Variants in AURKA observed in about 807,000 individuals in gnomAD.
AURKA encodes aurora 2.
Under a neutral mutation model 40.9 loss-of-function variants are expected in AURKA, and 12 were observed. The ratio of observed to expected loss-of-function variants is 0.29; its 90% CI spans 0.19 to 0.48. The LOEUF (loss-of-function observed/expected upper bound fraction) is 0.48. Ranked by LOEUF, AURKA falls within the 20% of genes least tolerant of loss-of-function variation. The pLI is 0.99. For missense variants in AURKA, 322 were observed against 462.1 expected (o/e 0.70, Z 2.78); for synonymous variants, 170 against 164.3 (o/e 1.03, Z -0.26).
In AURKA at chr20:56,373,089, C is replaced by G. The variant is rs1196813644; in HGVS notation, c.854+319G>C. On this transcript the variant is annotated intron_variant, in intron 7 of 8. Transcript: ENST00000395915. The surrounding 1 kb of genome is among the most constrained non-coding windows in gnomAD (Gnocchi z 5.0). ...CAGCAGAGGTGAAGAGTTCCTCCCA[C>G]TCAACATGTGGGCACTTCACCTCTG... Among the ~76,000 whole-genome samples, 3 of 152,224 alleles carry G rather than the reference C, an allele frequency of 2.0e-5. No individual in the cohort carries two copies. The highest frequency in any genetic ancestry group is 4.4e-5 in the Non-Finnish European group (3 of 68,044).
rs1326512360 is a variant in AURKA at position 56,373,219 on chromosome 20, C to T, written c.854+189G>A. On this transcript the variant is annotated intron_variant, in intron 7 of 8. Transcript: ENST00000395915. The surrounding 1 kb of genome is among the most constrained non-coding windows in gnomAD (Gnocchi z 5.0). The stretch of plus-strand genomic sequence containing the variant: ...TAGAACACTGCTAATAGCCCCAAAT[C>T]TCCACAGAATAACACTTTCTTGCAA... 6.6e-6 allele frequency among the ~76,000 whole-genome samples: 1 copy of T among 152,218 alleles called. No homozygotes were observed. Among genetic ancestry groups the T allele is most frequent in the Non-Finnish European group, 1.5e-5 (1 of 68,036 alleles).
Position 56,383,004 on chromosome 20 carries a change from C to A in AURKA, c.547G>T (p.Glu183Ter). 1.9e-6 allele frequency: 3 copies of A among 1,614,092 alleles called. No individual in the cohort carries two copies. Among genetic ancestry groups the A allele is most frequent in the Non-Finnish European group, 2.5e-6 (3 of 1,180,030 alleles). Residue 183 changes from glutamate to a stop codon, truncating the protein, a stop_gained, in exon 5 of 9, where the codon GAA becomes TAA. Transcript: ENST00000395915. LOFTEE classifies it high-confidence loss of function. Reference sequence around the variant, plus strand: ...ACTCACCGAAGGTGGGACTGTATTTCTACTTCTCTTCTGAGCTGATGCTCC... The same window carrying A: ...ACTCACCGAAGGTGGGACTGTATTTATACTTCTCTTCTGAGCTGATGCTCC... ...GVEHQLRREVEIQSHLRHPNI... is the reference protein window; with the variant it reads ...GVEHQLRREV
intron 6 of AURKA, among the ~76,000 whole-genome samples, chr20:56,376,546 C>T (rs1984947105): frequency 6.6e-6 from 1 of 151,994 alleles, no homozygotes; most frequent in Non-Finnish European, 1.5e-5. Flanking sequence ...ATGCCATTTA[C>T]ATCAATGCCA....
chr20:56,384,658 T>G (rs1309176409), intron 3 of AURKA, among the ~76,000 whole-genome samples: 3 of 152,172 alleles, frequency 2.0e-5, no homozygotes, highest in Admixed American at 6.5e-5. Context: ...AATCTTCCCA[T>G]GCATGACGAG....
intron 6 of AURKA, among the ~76,000 whole-genome samples, chr20:56,374,190 T>G (rs527787725): frequency 1.3e-5 from 2 of 152,168 alleles, no homozygotes; most frequent in African/African-American, 4.8e-5. Context: ...GCTGGTGCCA[T>G]GTCAATGCAA....
intron 1 of AURKA, chr20:56,390,532 C>T (rs969243327): frequency 6.6e-6 from 1 of 152,060 alleles, no homozygotes. Context: ...GTCTGGAACT[C>T]CCGACCTCAG....
At chr20:56,382,174 A>AG (rs1201805117) in intron 5 of AURKA, among the ~76,000 whole-genome samples, 8 of 151,658 alleles carry the variant, frequency 5.3e-5, no homozygotes, top group Non-Finnish European at 8.8e-5. Context: ...AAAAAAAAAA[A>AG]GGAAAAAAAA....
At position 56,382,967 on chromosome 20, in the gene AURKA, A is replaced by G. The variant is rs200449915; in HGVS notation, c.566+18T>C. Reference sequence around the variant, plus strand: ...AGCATTGGTGAACATTCTTTTGAACATGAACCTGAAAACTCACCGAAGGTG... The same window carrying G: ...AGCATTGGTGAACATTCTTTTGAACGTGAACCTGAAAACTCACCGAAGGTG... On this transcript the variant is annotated intron_variant, in intron 5 of 8. Coordinates refer to ENST00000395915, the MANE Select transcript of AURKA (RefSeq NM_198437.3). The G allele has an allele frequency of 2.5e-5, 41 of 1,612,838 alleles. No individual in the cohort carries two copies. The African/African-American group carries it at 4.8e-4, about 19-fold the overall frequency.
chr20:56,386,410 G>A lies in AURKA; in HGVS notation c.166C>T (p.Arg56Cys), dbSNP rs375420005. ...AGCTTTTGTGCTTGCAAAGGAATGC[G>A]CTGGGAAGAATTTGAAGGACACAAG... ...RVLCPSNSSQ[R>C]IPLQAQKLVS... The change falls in exon 3 of 9, where the codon CGC (arginine) becomes TGC (cysteine). Residue 56 changes from arginine (R) to cysteine (C), a missense_variant. Arg to Cys is a radical substitution (Grantham distance 180). Transcript: ENST00000395915. 1.2e-5 allele frequency: 19 copies of A among 1,614,172 alleles called. No homozygotes were observed. The highest frequency in any genetic ancestry group is 4.5e-5 in the East Asian group (2 of 44,886).
intron 4 of AURKA, among the ~76,000 whole-genome samples, chr20:56,383,892 A>ATATATGAG (rs1255573495): frequency 6.6e-6 from 1 of 152,246 alleles, no homozygotes; most frequent in African/African-American, 2.4e-5. Flanking sequence ...ACCCTCAGTC[A>ATATATGAG]TATATGAGTA....
At chr20:56,371,393 C>T (rs376153557) in intron 7 of AURKA, among the ~76,000 whole-genome samples, 3 of 151,162 alleles carry the variant, frequency 2.0e-5, no homozygotes, top group South Asian at 4.2e-4. Context: ...ACCCGGGAGG[C>T]GAGCTTGTAG....
At chr20:56,390,347 C>T (rs1325121544) in intron 1 of AURKA, among the ~76,000 whole-genome samples, 2 of 149,030 alleles carry the variant, frequency 1.3e-5, no homozygotes, top group East Asian at 1.9e-4. Context: ...GCTCTTGTTG[C>T]CCAGGCTGGA....
chr20:56,369,936 T>C lies in AURKA; in HGVS notation c.*222A>G, dbSNP rs993243044. On this transcript the variant is annotated 3_prime_UTR_variant, in exon 9 of 9. Coordinates refer to ENST00000395915, the MANE Select transcript of AURKA (RefSeq NM_198437.3). ...CCTCCAGATTATGAACCAGTATAAG[T>C]AGCACAATTCTCGTGGCTACTTTCA... 5 of 646,692 alleles carry C rather than the reference T, an allele frequency of 7.7e-6. No individual in the cohort carries two copies. Among genetic ancestry groups the C allele is most frequent in the African/African-American group, 1.8e-5 (1 of 55,668 alleles). 40.1% of individuals were successfully genotyped at this position (646,692 alleles called of 1,614,324 possible).
chr20:56,383,104 C>G lies in AURKA; in HGVS notation c.447G>C (p.Leu149Phe), dbSNP rs1052598989. ...TAAACTTGCTTTGCTTTTCTCTTGCCAAATAAACATTACCAAACTTTCCTT... is the reference window on the plus strand; with the variant it reads ...TAAACTTGCTTTGCTTTTCTCTTGCGAAATAAACATTACCAAACTTTCCTT... ...LGKGKFGNVY[L>F]AREKQSKFIL... Residue 149 changes from leucine (L) to phenylalanine (F), a missense_variant, in exon 5 of 9, where the codon TTG becomes TTC. By Grantham distance (22) the Leu-to-Phe change is conservative. Coordinates refer to ENST00000395915, the MANE Select transcript of AURKA (RefSeq NM_198437.3). 1 of 1,614,226 alleles carries G rather than the reference C, an allele frequency of 6.2e-7. No homozygotes were observed. Among genetic ancestry groups the G allele is most frequent in the South Asian group, 1.1e-5 (1 of 91,082 alleles).
chr20:56,387,742 C>A (rs1487230684), intron 2 of AURKA, among the ~76,000 whole-genome samples: 1 of 152,160 alleles, frequency 6.6e-6, no homozygotes, highest in Non-Finnish European at 1.5e-5. Flanking sequence ...GGCATTCAGA[C>A]AAAGACAAAT....
In AURKA at chr20:56,369,485, A is replaced by G. The variant is rs536157397; in HGVS notation, c.*673T>C. On this transcript the variant is annotated 3_prime_UTR_variant, in exon 9 of 9. Coordinates refer to ENST00000395915, the MANE Select transcript of AURKA (RefSeq NM_198437.3). ...TAAGCCCTTAACAGCTCTGAGACAC[A>G]TGGCCTCTTCTGTATCCCAAGCAAA... 2 of 239,392 alleles carry G rather than the reference A, an allele frequency of 8.4e-6. No individual in the cohort carries two copies. Among genetic ancestry groups the G allele is most frequent in the East Asian group, 5.9e-5 (1 of 16,824 alleles). 14.8% of individuals were successfully genotyped at this position (239,392 alleles called of 1,614,324 possible).
Position 56,370,134 on chromosome 20 carries a change from A to C in AURKA, c.*24T>G. The C allele has an allele frequency of 6.2e-7, 1 of 1,612,058 alleles. No homozygotes were observed. Among genetic ancestry groups the C allele is most frequent in the South Asian group, 1.1e-5 (1 of 90,990 alleles). ...CAGGTTATATGGCAGCCCTGGCTCA[A>C]GGATTTCTCCCCCTGCACGATTCCT... On this transcript the variant is annotated 3_prime_UTR_variant, in exon 9 of 9. Transcript: ENST00000395915.
chr20:56,388,588 G>T (rs566605949), intron 1 of AURKA: 196 of 246,422 alleles, frequency 8.0e-4, no homozygotes, highest in Non-Finnish European at 9.0e-4. Flanking sequence ...GAGGTGGGCG[G>T]ATCACCTGAG....
intron 3 of AURKA, 38 bp from the exon 4 acceptor site, chr20:56,384,362 CTA>C: frequency 6.8e-7 from 1 of 1,465,952 alleles, no homozygotes. Flanking sequence ...TTTAGAATAA[CTA>C]TATAGGATAA....
Sources: allele counts gnomAD v4.1 joint callset (sites outside exome capture counted in the v4.1 genomes callset), GRCh38; gene constraint gnomAD v4.1.1; non-coding constraint Gnocchi (gnomAD v3.1); transcripts MANE v1.5; gene names NCBI Gene and HGNC (gene_info 2026-07-23, HGNC 2026-07-21).